PDE10A: variants seen among roughly 807,000 people sequenced by gnomAD.
PDE10A encodes the protein phosphodiesterase 10A.
Under a neutral mutation model 97.7 loss-of-function variants are expected in PDE10A, and 39 were observed. That is an observed-to-expected ratio of 0.40 (90% confidence interval 0.31 to 0.52). The LOEUF (loss-of-function observed/expected upper bound fraction) is 0.52, where lower values mean the gene tolerates loss of function less well. PDE10A is among the 20% of genes least tolerant of loss of function. The probability of loss-of-function intolerance (pLI) is 0.56; values close to 1 mark genes in which losing one functional copy is unlikely to be tolerated. For missense variants in PDE10A, 731 were observed against 1,047.8 expected (o/e 0.70, Z 4.17); for synonymous variants, 371 against 376.8 (o/e 0.98, Z 0.18).
chr6:165,767,332 A>G (rs920083870), intron 1 of PDE10A, among the ~76,000 whole-genome samples: 11 of 152,226 alleles, frequency 7.2e-5, no homozygotes, highest in African/African-American at 2.4e-4. Flanking sequence ...TACACAATTC[A>G]GGGGTTTTTA....
At chr6:165,604,518 TA>T (rs34272357) in intron 1 of PDE10A, among the ~76,000 whole-genome samples, 74,973 of 137,736 alleles carry the variant, frequency 0.54, 20,047 homozygotes, top group African/African-American at 0.66. Flanking sequence ...CTCTCTTTGT[TA>T]AAAAAAAAAA....
intron 3 of PDE10A, among the ~76,000 whole-genome samples, chr6:165,466,884 C>G (rs7768515): frequency 0.028 from 4,234 of 152,176 alleles, 199 homozygotes; most frequent in African/African-American, 0.094. Flanking sequence ...CGTCAAAAGC[C>G]AAGACAGGCT....
At chr6:165,497,518 T>C (rs1336136219) in intron 2 of PDE10A, among the ~76,000 whole-genome samples, 1 of 152,206 alleles carries the variant, frequency 6.6e-6, no homozygotes, top group African/African-American at 2.4e-5. Flanking sequence ...GAAAATATCA[T>C]ATATAAATTG....
intron 1 of PDE10A, among the ~76,000 whole-genome samples, chr6:165,628,569 GCTCGC>G (rs1788491256): frequency 2.6e-5 from 4 of 151,396 alleles, no homozygotes; most frequent in African/African-American, 7.4e-5. Flanking sequence ...CGATATCCAG[GCTCGC>G]CTCAAGTGAT....
chr6:165,359,403 C>T (rs998102305), intron 18 of PDE10A, among the ~76,000 whole-genome samples: 27 of 152,144 alleles, frequency 1.8e-4, no homozygotes, highest in African/African-American at 4.8e-4. Flanking sequence ...GCTTTGAATA[C>T]GTCCATGTTT....
chr6:165,515,150 A>G (rs891453107), intron 2 of PDE10A, among the ~76,000 whole-genome samples: 4 of 152,174 alleles, frequency 2.6e-5, no homozygotes, highest in African/African-American at 7.2e-5. Context: ...AGTGAACACT[A>G]TATTTTTCAG....
In PDE10A at chr6:165,368,489, G is replaced by A. The variant is rs377219136; in HGVS notation, c.2783+10705C>T. Among the ~76,000 whole-genome samples, 17 of 151,904 alleles carry A rather than the reference G, an allele frequency of 1.1e-4. No homozygotes were observed. In the East Asian group the frequency reaches 1.5e-3, roughly 14 times the overall value. On this transcript the variant is annotated intron_variant, in intron 18 of 21. Coordinates refer to ENST00000539869, the MANE Select transcript of PDE10A (RefSeq NM_001385079.1). Reference sequence around the variant, plus strand: ...AATGGAAATAATATCAATTCAAAGCGGACTAATAAAAATGCATACTGTAAA... The same window carrying A: ...AATGGAAATAATATCAATTCAAAGCAGACTAATAAAAATGCATACTGTAAA...
At chr6:165,436,425 C>G (rs980241137) in intron 5 of PDE10A, among the ~76,000 whole-genome samples, 21 of 152,082 alleles carry the variant, frequency 1.4e-4, no homozygotes, top group African/African-American at 4.8e-4. Flanking sequence ...ACCCCATTAA[C>G]TTGACTAATA....
chr6:165,601,994 A>G (rs190765752), intron 1 of PDE10A, among the ~76,000 whole-genome samples: 1 of 152,340 alleles, frequency 6.6e-6, no homozygotes, highest in Non-Finnish European at 1.5e-5. Flanking sequence ...GACTAAGATC[A>G]GGATATACTA....
intron 1 of PDE10A, among the ~76,000 whole-genome samples, chr6:165,959,663 C>T (rs1784299456): frequency 1.3e-5 from 2 of 152,100 alleles, no homozygotes; most frequent in Admixed American, 1.3e-4. Context: ...GTTAAAGCTG[C>T]GGGTGAGAGA....
At chr6:165,498,565 G>A (rs374099988) in intron 2 of PDE10A, among the ~76,000 whole-genome samples, 2 of 148,022 alleles carry the variant, frequency 1.4e-5, no homozygotes, top group Non-Finnish European at 3.0e-5. Flanking sequence ...CCAGATTCTA[G>A]CAATTCTCTG....
At chr6:165,854,086 G>C (rs1171922971) in intron 1 of PDE10A, among the ~76,000 whole-genome samples, 1 of 152,218 alleles carries the variant, frequency 6.6e-6, no homozygotes, top group African/African-American at 2.4e-5. Flanking sequence ...GGGTCCTAGG[G>C]AAGAGCCCAG....
At chr6:165,432,353 G>C (rs1380826711) in intron 7 of PDE10A, among the ~76,000 whole-genome samples, 12 of 152,128 alleles carry the variant, frequency 7.9e-5, no homozygotes. Context: ...GGGATAAGTG[G>C]AGAGAAGAAA....
intron 1 of PDE10A, 71 bp from the exon 2 acceptor site, chr6:165,543,639 CA>C: frequency 2.4e-6 from 3 of 1,241,780 alleles, no homozygotes; most frequent in Non-Finnish European, 3.4e-6. Context: ...TATAGTATCA[CA>C]ACACATTATG....
chr6:165,758,503 AAAGAAGAAAG>A (rs200185756), intron 1 of PDE10A, among the ~76,000 whole-genome samples: 123 of 76,346 alleles, frequency 1.6e-3, no homozygotes, highest in South Asian at 4.3e-3. Context: ...AAGAAAGAAG[AAAGAAGAAAG>A]AAGAAGAAGA....
intron 3 of PDE10A, among the ~76,000 whole-genome samples, chr6:165,470,153 G>A (rs1450980246): frequency 1.3e-5 from 2 of 152,208 alleles, no homozygotes. Context: ...ACTCCTGGAG[G>A]AAGCAAAGGG....
intron 1 of PDE10A, among the ~76,000 whole-genome samples, chr6:165,922,746 T>C (rs1782791977): frequency 6.6e-6 from 1 of 152,172 alleles, no homozygotes; most frequent in African/African-American, 2.4e-5. Flanking sequence ...AAGTGCCCCG[T>C]GGGTAGTGCT....
intron 6 of PDE10A, among the ~76,000 whole-genome samples, chr6:165,434,790 C>T (rs1562464212): frequency 6.6e-6 from 1 of 152,296 alleles, no homozygotes; most frequent in East Asian, 1.9e-4. Flanking sequence ...GACGCATAGG[C>T]AAATCCAACT....
At chr6:165,533,970 C>A (rs2031846) in intron 2 of PDE10A, among the ~76,000 whole-genome samples, 19,809 of 151,826 alleles carry the variant, frequency 0.13, 2,339 homozygotes, top group African/African-American at 0.3. Context: ...GGTCAAAAGG[C>A]ATAAGTGATT....
Sources: gnomAD v4.1 joint callset for allele counts (sites outside exome capture counted in the v4.1 genomes callset) on GRCh38, gnomAD v4.1.1 for gene constraint, MANE v1.5 for transcripts, NCBI Gene and HGNC (gene_info 2026-07-23, HGNC 2026-07-21) for gene names.